Variants in FGGY observed in about 807,000 individuals in gnomAD.
FGGY encodes the protein FGGY carbohydrate kinase domain containing.
Under a neutral mutation model 71.3 loss-of-function variants are expected in FGGY, and 72 were observed. The ratio of observed to expected loss-of-function variants is 1.01; its 90% CI spans 0.84 to 1.23. The LOEUF (loss-of-function observed/expected upper bound fraction) is 1.23. FGGY is among the 50% of genes most tolerant of loss of function. The pLI is 0.00. For synonymous variants in FGGY, 251 were observed against 250.3 expected (o/e 1.00, Z -0.02); for missense variants, 668 against 682.3 (o/e 0.98, Z 0.23).
At chr1:59,482,970 C>T (rs2093543723) in intron 6 of FGGY, among the ~76,000 whole-genome samples, 1 of 152,074 alleles carries the variant, frequency 6.6e-6, no homozygotes, top group African/African-American at 2.4e-5. Flanking sequence ...TCTTAAAACA[C>T]TGATTCCTGG....
chr1:59,715,292 G>A (rs892742722), intron 14 of FGGY, among the ~76,000 whole-genome samples: 1 of 152,186 alleles, frequency 6.6e-6, no homozygotes, highest in African/African-American at 2.4e-5. Context: ...TGAGACCAAG[G>A]AAGGCTAAGA....
At chr1:59,392,084 A>T (rs148206358) in intron 5 of FGGY, among the ~76,000 whole-genome samples, 218 of 152,234 alleles carry the variant, frequency 1.4e-3, no homozygotes, top group African/African-American at 5.1e-3. Flanking sequence ...CTTGTTCAGG[A>T]GTCTTTTTCC....
intron 2 of FGGY, among the ~76,000 whole-genome samples, chr1:59,335,160 A>G (rs2049232632): frequency 6.6e-6 from 1 of 152,210 alleles, no homozygotes; most frequent in African/African-American, 2.4e-5. Context: ...CAGTGGTGCA[A>G]TCATCACCTA....
chr1:59,676,200 G>T (rs537885837), intron 14 of FGGY, among the ~76,000 whole-genome samples: 37 of 152,172 alleles, frequency 2.4e-4, no homozygotes, highest in African/African-American at 7.9e-4. Flanking sequence ...TGCAGGATGC[G>T]TGTTTTTATC....
At chr1:59,493,096 A>AAAAC (rs377147940) in intron 6 of FGGY, among the ~76,000 whole-genome samples, 1 of 143,024 alleles carries the variant, frequency 7.0e-6, no homozygotes, top group East Asian at 2.1e-4. Context: ...TACCAAACAA[A>AAAAC]ACACACACAC....
rs1357675948 is a variant in FGGY, at chr1:59,584,904, G to A, written c.904-22899G>A. On this transcript the variant is annotated intron_variant, in intron 8 of 15. Transcript: ENST00000303721. ...ACAAAGAGAGAGCCAAATCTTGAGT[G>A]AACTCCCATTCACAATTGCTTCAAA... is the stretch of plus-strand genomic sequence containing the variant. Among the ~76,000 whole-genome samples the A allele has an allele frequency of 4.3e-5, 6 of 139,498 alleles. 2 individuals carry two copies. The South Asian group carries it at 1.3e-3, about 31-fold the overall frequency. The allele number at this position is 139,498 out of a possible 152,430, so 91.5% of individuals were successfully genotyped here.
chr1:59,591,231 A>G (rs1254017675), intron 8 of FGGY, among the ~76,000 whole-genome samples: 1 of 152,234 alleles, frequency 6.6e-6, no homozygotes, highest in Non-Finnish European at 1.5e-5. Context: ...CCAACTTACA[A>G]GGGATGTGAA....
intron 5 of FGGY, among the ~76,000 whole-genome samples, chr1:59,388,582 C>T (rs573324150): frequency 6.6e-6 from 1 of 152,104 alleles, no homozygotes; most frequent in African/African-American, 2.4e-5. Flanking sequence ...ACATCCCTTC[C>T]TTGGTACTTG....
At chr1:59,451,033 G>T (rs1159156087) in intron 5 of FGGY, among the ~76,000 whole-genome samples, 7 of 151,960 alleles carry the variant, frequency 4.6e-5, no homozygotes, top group Non-Finnish European at 8.8e-5. Context: ...TGAGATAATT[G>T]ACCTTATTTG....
intron 6 of FGGY, among the ~76,000 whole-genome samples, chr1:59,507,452 G>GAATATAAA (rs2094415463): frequency 6.6e-6 from 1 of 152,120 alleles, no homozygotes; most frequent in Non-Finnish European, 1.5e-5. Flanking sequence ...CACTTGGTTT[G>GAATATAAA]ACTGTTTTAA....
At chr1:59,628,378 G>T (rs2096878503) in intron 10 of FGGY, among the ~76,000 whole-genome samples, 1 of 152,198 alleles carries the variant, frequency 6.6e-6, no homozygotes, top group South Asian at 2.1e-4. Context: ...TAGCCAGTTT[G>T]CTCCAAAGGA....
At chr1:59,718,350 A>T (rs1054250285) in intron 14 of FGGY, among the ~76,000 whole-genome samples, 3 of 152,186 alleles carry the variant, frequency 2.0e-5, no homozygotes, top group South Asian at 4.1e-4. Flanking sequence ...TTCAGTAGGA[A>T]AACTAAGGAG....
intron 5 of FGGY, among the ~76,000 whole-genome samples, chr1:59,456,475 G>T: frequency 7.0e-6 from 1 of 142,606 alleles, no homozygotes. Flanking sequence ...TTGAGACAGA[G>T]TCTCACCCTG....
intron 14 of FGGY, among the ~76,000 whole-genome samples, chr1:59,678,374 T>C (rs1034709205): frequency 1.3e-5 from 2 of 152,112 alleles, no homozygotes; most frequent in Non-Finnish European, 2.9e-5. Context: ...GGAAAACAAA[T>C]AATTATAATT....
intron 6 of FGGY, among the ~76,000 whole-genome samples, chr1:59,457,446 C>T (rs1260337389): frequency 6.6e-6 from 1 of 152,076 alleles, no homozygotes; most frequent in Non-Finnish European, 1.5e-5. Flanking sequence ...CCCATTTCTA[C>T]AAGAAAAATA....
intron 9 of FGGY, among the ~76,000 whole-genome samples, chr1:59,610,260 T>TATGTGTTGTCCCCCTCTCTGTGTTC (rs2096661853): frequency 1.3e-5 from 2 of 151,882 alleles, no homozygotes; most frequent in Non-Finnish European, 2.9e-5. Flanking sequence ...CTGGCCCCAG[T>TATGTGTTGTCCCCCTCTCTGTGTTC]ATGTGTTGTC....
chr1:59,650,176 A>C (rs1291748701), intron 11 of FGGY, among the ~76,000 whole-genome samples: 4 of 147,912 alleles, frequency 2.7e-5, no homozygotes, highest in Non-Finnish European at 4.4e-5. Flanking sequence ...GGATTTTTGC[A>C]TCGATGTTCA....
chr1:59,483,221 G>A (rs990841563), intron 6 of FGGY, among the ~76,000 whole-genome samples: 1 of 152,084 alleles, frequency 6.6e-6, no homozygotes, highest in African/African-American at 2.4e-5. Flanking sequence ...AAGTTTGTTG[G>A]TTAGCCAGGA....
At chr1:59,457,772 A>C (rs986652556) in intron 6 of FGGY, among the ~76,000 whole-genome samples, 14 of 152,214 alleles carry the variant, frequency 9.2e-5, no homozygotes, top group Admixed American at 5.2e-4. Flanking sequence ...GGCTGTGAAC[A>C]GGTAAAAAAT....
Sources: allele counts gnomAD v4.1 joint callset (sites outside exome capture counted in the v4.1 genomes callset), GRCh38; gene constraint gnomAD v4.1.1; transcripts MANE v1.5; gene names NCBI Gene and HGNC (gene_info 2026-07-23, HGNC 2026-07-21).